Variants in XIRP2 observed in about 807,000 individuals in gnomAD.
The protein encoded by XIRP2 is xin actin-binding repeat-containing protein 2.
A neutral mutation model predicts 277.0 loss-of-function variants in XIRP2; 236 were observed. The ratio of observed to expected loss-of-function variants is 0.85; its 90% CI spans 0.77 to 0.95. The LOEUF is 0.95. Ranked by LOEUF, XIRP2 falls within the 40% of genes least tolerant of loss-of-function variation. The pLI, the probability that XIRP2 is intolerant of heterozygous loss-of-function variation, is 0.00. For synonymous variants in XIRP2, 1,490 were observed against 1,416.5 expected, an observed-to-expected ratio of 1.05 and a Z score of -1.17; for missense variants, 4,640 against 4,157.5, an observed-to-expected ratio of 1.12 and a Z score of -3.19.
chr2:167,098,550 A>G (rs1399805340), intron 2 of XIRP2, among the ~76,000 whole-genome samples: 6 of 152,200 alleles, frequency 3.9e-5, no homozygotes, highest in Non-Finnish European at 5.9e-5. Flanking sequence ...CTGTCAATTC[A>G]TCAAACTCAT....
chr2:167,052,878 T>C (rs185862376), intron 2 of XIRP2, among the ~76,000 whole-genome samples: 5 of 152,216 alleles, frequency 3.3e-5, no homozygotes, highest in Non-Finnish European at 7.3e-5. Flanking sequence ...AAAGAACTGA[T>C]ATAAAATGTC....
intron 3 of XIRP2, among the ~76,000 whole-genome samples, chr2:167,202,805 T>G (rs1408788432): frequency 1.3e-5 from 2 of 152,182 alleles, no homozygotes; most frequent in African/African-American, 2.4e-5. Flanking sequence ...TCTGGAAGTC[T>G]GAAGTCCAAA....
At chr2:167,152,795 C>A (rs1692055162) in intron 3 of XIRP2, among the ~76,000 whole-genome samples, 1 of 152,098 alleles carries the variant, frequency 6.6e-6, no homozygotes, top group Non-Finnish European at 1.5e-5. Flanking sequence ...TTTAACCCCC[C>A]AACTCCACCA....
Position 167,221,460 on chromosome 2 carries a change from CAAAAAAAAAAAAAAA to C in XIRP2, c.858+3171_858+3185del, listed in dbSNP as rs57006710. Among the ~76,000 whole-genome samples the C allele has an allele frequency of 7.0e-3, 443 of 63,520 alleles. 5 individuals carry two copies. Among genetic ancestry groups the C allele is most frequent in the African/African-American group, 0.019 (421 of 21,632 alleles). 41.7% of individuals were successfully genotyped at this position (63,520 alleles called of 152,430 possible). A position where few individuals can be genotyped will look rare whatever the true frequency, so the allele number is the denominator to read the frequency against. On this transcript the variant is annotated intron_variant, in intron 5 of 10. Transcript: ENST00000409195. ...GGGCAACAAGAGCGAAACTCCATCT[CAAAAAAAAAAAAAAA>C]AAAAAAAAAAGGAAAAAGTCATTTG...
At chr2:167,211,011 AC>A (rs1694014231) in intron 4 of XIRP2, 116 bp downstream of exon 4, 1 of 1,269,834 alleles carries the variant, frequency 7.9e-7, no homozygotes, top group African/African-American at 1.5e-5. Flanking sequence ...TAGAAAGAGC[AC>A]AAAAATAGTG....
At chr2:167,052,538 A>G (rs1196820357) in intron 2 of XIRP2, among the ~76,000 whole-genome samples, 2 of 152,192 alleles carry the variant, frequency 1.3e-5, no homozygotes, top group Non-Finnish European at 2.9e-5. Flanking sequence ...GTTAACCCAC[A>G]GGATAACTTT....
At chr2:166,967,110 T>C (rs1224528085) in intron 2 of XIRP2, among the ~76,000 whole-genome samples, 2 of 151,938 alleles carry the variant, frequency 1.3e-5, no homozygotes, top group Non-Finnish European at 2.9e-5. Context: ...CCCTTCATAG[T>C]TGTCAGAATC....
Position 167,242,686 on chromosome 2 carries a change from AG to A in XIRP2, c.1295del (p.Ser432MetfsTer17). 1 of 1,614,134 alleles carries A rather than the reference AG, an allele frequency of 6.2e-7. No individual in the cohort carries two copies. Among genetic ancestry groups the A allele is most frequent in the Non-Finnish European group, 8.5e-7 (1 of 1,179,992 alleles). On this transcript the variant is annotated frameshift_variant, in exon 9 of 11. Coordinates refer to ENST00000409195, the MANE Select transcript of XIRP2 (RefSeq NM_152381.6). LOFTEE classifies it high-confidence loss of function. ...ETSTTRYSDH[S>X]VTSSTLAQIN... is the part of the protein sequence containing the mutation. The stretch of plus-strand genomic sequence containing the variant: ...ATCAACTACAAGATATAGTGATCAC[AG>A]TGTCACTTCCTCAACTCTGGCACAA...
chr2:166,930,415 T>C (rs751101697), intron 2 of XIRP2, among the ~76,000 whole-genome samples: 17 of 152,156 alleles, frequency 1.1e-4, no homozygotes, highest in Non-Finnish European at 1.8e-4. Context: ...TAGTATCCTA[T>C]TATATCTACT....
intron 3 of XIRP2, among the ~76,000 whole-genome samples, chr2:167,160,698 C>T (rs1347635214): frequency 2.0e-5 from 3 of 152,110 alleles, no homozygotes; most frequent in Non-Finnish European, 4.4e-5. Context: ...CATGAGAATT[C>T]GAGTTGAGAT....
At chr2:167,071,361 C>A in intron 2 of XIRP2, among the ~76,000 whole-genome samples, 1 of 151,750 alleles carries the variant, frequency 6.6e-6, no homozygotes, top group Admixed American at 6.5e-5. Flanking sequence ...CAAAAAAATG[C>A]GTTATTAAAA....
chr2:167,093,041 G>A (rs576199343), intron 2 of XIRP2, among the ~76,000 whole-genome samples: 11 of 152,166 alleles, frequency 7.2e-5, no homozygotes, highest in Admixed American at 1.3e-4. Flanking sequence ...GTGTGAAAGC[G>A]AAATTAGTTT....
intron 2 of XIRP2, among the ~76,000 whole-genome samples, chr2:167,011,666 C>A (rs1206315090): frequency 1.3e-5 from 2 of 151,108 alleles, no homozygotes; most frequent in Non-Finnish European, 3.0e-5. Context: ...CCTCCTTGTA[C>A]CTCTGGTAGA....
At chr2:167,072,302 T>A (rs964808373) in intron 2 of XIRP2, among the ~76,000 whole-genome samples, 1 of 152,120 alleles carries the variant, frequency 6.6e-6, no homozygotes, top group Non-Finnish European at 1.5e-5. Context: ...AGTGATTTAT[T>A]CTCTATATGT....
intron 2 of XIRP2, among the ~76,000 whole-genome samples, chr2:167,076,013 T>A (rs955430722): frequency 2.6e-5 from 4 of 152,102 alleles, no homozygotes; most frequent in African/African-American, 9.7e-5. Context: ...GAGCACTCAG[T>A]TTGCAGAATA....
At chr2:167,052,321 G>A (rs993569869) in intron 2 of XIRP2, among the ~76,000 whole-genome samples, 1 of 151,726 alleles carries the variant, frequency 6.6e-6, no homozygotes, top group Non-Finnish European at 1.5e-5. Flanking sequence ...TTTTTAAATA[G>A]GGGAAAGATG....
intron 2 of XIRP2, among the ~76,000 whole-genome samples, chr2:166,941,308 G>C (rs1245676372): frequency 6.6e-6 from 1 of 152,202 alleles, no homozygotes; most frequent in Non-Finnish European, 1.5e-5. Flanking sequence ...ACGGTATTAG[G>C]CTGGGAGTGA....
chr2:167,192,292 G>A (rs1693367897), intron 3 of XIRP2, among the ~76,000 whole-genome samples: 1 of 152,068 alleles, frequency 6.6e-6, no homozygotes, highest in South Asian at 2.1e-4. Context: ...TTGATAAGTA[G>A]AGTCACATTT....
At chr2:166,951,923 G>A (rs779102400) in intron 2 of XIRP2, among the ~76,000 whole-genome samples, 1 of 152,172 alleles carries the variant, frequency 6.6e-6, no homozygotes, top group Middle Eastern at 3.4e-3. Context: ...ATGAGAGGCA[G>A]GATGTAATCG....
Sources: gnomAD v4.1 joint callset for allele counts (sites outside exome capture counted in the v4.1 genomes callset) on GRCh38, gnomAD v4.1.1 for gene constraint, MANE v1.5 for transcripts, NCBI Gene and HGNC (gene_info 2026-07-23, HGNC 2026-07-21) for gene names.